The following MXRA5 variants were observed in gnomAD, a reference collection of about 807,000 sequenced individuals.
MXRA5 encodes the protein matrix-remodeling-associated protein 5.
Under a neutral mutation model 112.5 loss-of-function variants are expected in MXRA5, and 41 were observed. That is an observed-to-expected ratio of 0.36 (90% CI 0.28 to 0.47). The LOEUF is 0.47. MXRA5 is among the 20% of genes least tolerant of loss of function. MXRA5 has a pLI of 0.99. For missense variants in MXRA5, 2,150 were observed against 2,251.0 expected (o/e 0.96, Z 0.91); for synonymous variants, 862 against 900.8 (o/e 0.96, Z 0.77).
chrX:3,325,828 A>T (rs772666222), intron 4 of MXRA5, among the ~76,000 whole-genome samples: 2 of 100,359 alleles, frequency 2.0e-5, no homozygotes, highest in African/African-American at 3.6e-5. Flanking sequence ...ATAAATATAT[A>T]ATAATATATT....
intron 2 of MXRA5, among the ~76,000 whole-genome samples, chrX:3,340,905 C>T (rs1358522598): frequency 1.1e-5 from 1 of 94,272 alleles, no homozygotes. Flanking sequence ...TATCCCCCTT[C>T]CCAACACACA....
chrX:3,329,344 A>AAAGGAAAGAAGGAGGG (rs1351587414), intron 4 of MXRA5, among the ~76,000 whole-genome samples: 1 of 77,068 alleles, frequency 1.3e-5, no homozygotes, highest in Non-Finnish European at 2.6e-5. Context: ...GAGAAGGAAG[A>AAAGGAAAGAAGGAGGG]AAGGAAAGAA....
intron 5 of MXRA5, 74 bp downstream of exon 5, chrX:3,319,934 T>C (rs1405200994): frequency 1.3e-6 from 1 of 791,624 alleles, no homozygotes. Flanking sequence ...TATACTGTTT[T>C]AATGTATTAT....
intron 4 of MXRA5, among the ~76,000 whole-genome samples, chrX:3,327,763 T>C (rs753555265): frequency 8.8e-6 from 1 of 113,058 alleles, no homozygotes. Flanking sequence ...AACCTTGCTA[T>C]GCAGCAGTCT....
chrX:3,321,361 T>A lies in MXRA5; in HGVS notation c.4324A>T (p.Thr1442Ser). 8.3e-7 allele frequency: 1 copy of A among 1,211,401 alleles called. No homozygotes were observed. Among genetic ancestry groups the A allele is most frequent in the South Asian group, 1.8e-5 (1 of 56,970 alleles). Reference sequence around the variant, plus strand: ...ACCTCCACTTTTATGCTTGAGAGAGTTGTGGAAGAACCAGCTTCTTCCTGG... The same window carrying A: ...ACCTCCACTTTTATGCTTGAGAGAGATGTGGAAGAACCAGCTTCTTCCTGG... ...FHQEEAGSST[T>S]LSSIKVEVAS... is the part of the protein sequence containing the mutation. Residue 1442 changes from threonine to serine, a missense_variant, in exon 5 of 7, where the codon ACT becomes TCT. Coordinates refer to ENST00000217939, the MANE Select transcript of MXRA5 (RefSeq NM_015419.4).
chrX:3,324,682 C>T lies in MXRA5; in HGVS notation c.1003G>A (p.Asp335Asn), dbSNP rs1240102146. The T allele has an allele frequency of 8.3e-7, 1 of 1,208,675 alleles. No homozygotes were observed. The highest frequency in any genetic ancestry group is 1.8e-5 in the African/African-American group (1 of 57,100). The change falls in exon 5 of 7, where the codon GAC (aspartate) becomes AAC (asparagine). Residue 335 changes from aspartate to asparagine, a missense_variant. This residue lies in a region of MXRA5 where 386 missense variants were observed against 411.0 expected (regional missense o/e 0.94). Transcript: ENST00000217939. ...EHGNMVNLVC[D>N]IKKPMDVYKI... ...TACACATCCATTGGTTTCTTGATGTCACAGACCAAGTTCACCATGTTCCCG... is the reference window on the plus strand; with the variant it reads ...TACACATCCATTGGTTTCTTGATGTTACAGACCAAGTTCACCATGTTCCCG...
chrX:3,332,401 C>A (rs747657218), intron 2 of MXRA5, among the ~76,000 whole-genome samples: 2 of 111,114 alleles, frequency 1.8e-5, no homozygotes, highest in Admixed American at 9.5e-5. Flanking sequence ...CCCGCCACCG[C>A]GCCCGGCTAA....
intron 2 of MXRA5, among the ~76,000 whole-genome samples, 184 bp from the exon 3 acceptor site, chrX:3,330,957 C>A (rs1459411784): frequency 9.0e-6 from 1 of 111,524 alleles, no homozygotes; most frequent in Non-Finnish European, 1.9e-5. Flanking sequence ...GGCTGGAGTG[C>A]AGCGGTGCAA....
Position 3,325,841 on chromosome X carries a change from T to TAAATAAATATA in MXRA5, c.710-867_710-866insTATATTTATTT, listed in dbSNP as rs1389692056. 5.1e-3 allele frequency among the ~76,000 whole-genome samples: 451 copies of TAAATAAATATA among 88,646 alleles called. 5 individuals are homozygous for TAAATAAATATA. The highest frequency in any genetic ancestry group is 0.017 in the African/African-American group (406 of 23,748). 77.0% of individuals were successfully genotyped at this position (88,646 alleles called of 115,157 possible). A position where few individuals can be genotyped will look rare whatever the true frequency, so the allele number is the denominator to read the frequency against. On this transcript the variant is annotated intron_variant, in intron 4 of 6. Transcript: ENST00000217939. The stretch of plus-strand genomic sequence containing the variant: ...AAATAAATATATAATAATATATTTA[T>TAAATAAATATA]TCATAAATAATTTATAATTATAATT...
chrX:3,316,623 C>G (rs1429907263), intron 6 of MXRA5, among the ~76,000 whole-genome samples: 14 of 105,717 alleles, frequency 1.3e-4, no homozygotes, highest in Admixed American at 9.2e-4. Context: ...GAGCTATGAT[C>G]GCACCACTGC....
Position 3,330,816 on chromosome X carries a change from G to A in MXRA5, c.189-43C>T, listed in dbSNP as rs774030717. 3 of 941,918 alleles carry A rather than the reference G, an allele frequency of 3.2e-6. No homozygotes were observed. In the East Asian group the frequency reaches 1.1e-4, roughly 34 times the overall value. The allele number at this position is 941,918 out of a possible 1,213,427, so 77.6% of individuals were successfully genotyped here. A position where few individuals can be genotyped will look rare whatever the true frequency, so the allele number is the denominator to read the frequency against. ...TAATAATAACAATAATAATAATTAA[G>A]AAAATAAATAGCGAATACTTAACTC... On this transcript the variant is annotated intron_variant, in intron 2 of 6. Coordinates refer to ENST00000217939, the MANE Select transcript of MXRA5 (RefSeq NM_015419.4).
At chrX:3,333,302 C>CAAAAAAAAAAAAAAAAAAAAAA (rs386416494) in intron 2 of MXRA5, among the ~76,000 whole-genome samples, 13 of 14,812 alleles carry the variant, frequency 8.8e-4, no homozygotes, top group Non-Finnish European at 1.3e-3. Flanking sequence ...TACCCCATAT[C>CAAAAAAAAAAAAAAAAAAAAAA]AAAAAAAAAA....
At chrX:3,318,103 C>T in intron 5 of MXRA5, 100 bp from the exon 6 acceptor site, 1 of 711,236 alleles carries the variant, frequency 1.4e-6, no homozygotes, top group East Asian at 3.6e-5. Context: ...CTTTAACACC[C>T]AGGCAGCAAA....
chrX:3,321,420 A>G lies in MXRA5; in HGVS notation c.4265T>C (p.Phe1422Ser). 1 of 1,211,465 alleles carries G rather than the reference A, an allele frequency of 8.3e-7. No individual in the cohort carries two copies. Among genetic ancestry groups the G allele is most frequent in the Non-Finnish European group, 1.1e-6 (1 of 895,392 alleles). ...ELEDVDFTSE[F>S]LSSLTVSTPF... ...TGTGGAGACTGTCAAAGAGGACAAA[A>G]ACTCGGAAGTGAAATCCACATCCTC... is the stretch of plus-strand genomic sequence containing the variant. Residue 1422 changes from phenylalanine to serine, a missense_variant, in exon 5 of 7, where the codon TTT (phenylalanine) becomes TCT (serine). Transcript: ENST00000217939.
Position 3,317,641 on chromosome X carries a change from C to G in MXRA5, c.6040G>C (p.Glu2014Gln), listed in dbSNP as rs775206613. 15 of 1,205,902 alleles carry G rather than the reference C, an allele frequency of 1.2e-5. No individual in the cohort carries two copies. The highest frequency in any genetic ancestry group is 1.7e-5 in the African/African-American group (1 of 57,338). The stretch of plus-strand genomic sequence containing the variant: ...ACGCCTCTGTCTGAGAAGGACGCCT[C>G]CTTGATGGAAAGGGTCCGGTTTTCG... ...LHENRTLSIK[E>Q]ASFSDRGVYK... The change falls in exon 6 of 7, where the codon GAG (glutamate) becomes CAG (glutamine). Residue 2014 changes from glutamate (E) to glutamine (Q), a missense_variant. Physicochemically the swap from Glu to Gln is conservative, Grantham distance 29. Transcript: ENST00000217939.
intron 2 of MXRA5, among the ~76,000 whole-genome samples, chrX:3,336,001 G>A (rs765263911): frequency 8.9e-6 from 1 of 112,342 alleles, no homozygotes; most frequent in South Asian, 3.7e-4. Context: ...GGTGAGTGGT[G>A]GGTGAGCCAG....
At chrX:3,335,489 G>A (rs935208510) in intron 2 of MXRA5, among the ~76,000 whole-genome samples, 33 of 112,530 alleles carry the variant, frequency 2.9e-4, no homozygotes, top group African/African-American at 1.0e-3. Context: ...GAGTCACTGC[G>A]CCTGGCCGCC....
intron 2 of MXRA5, among the ~76,000 whole-genome samples, chrX:3,333,498 T>C (rs776145645): frequency 1.8e-5 from 2 of 110,034 alleles, no homozygotes; most frequent in Non-Finnish European, 3.8e-5. Flanking sequence ...GCAAACACAG[T>C]GACAACAACA....
chrX:3,322,722 G>T lies in MXRA5; in HGVS notation c.2963C>A (p.Pro988Gln), dbSNP rs754326169. ...GTCTTCTTTCATCTTATCCTCATCTGGTTGTGACTTAGTCTCCAAATCTGG... is the reference window on the plus strand; with the variant it reads ...GTCTTCTTTCATCTTATCCTCATCTTGTTGTGACTTAGTCTCCAAATCTGG... ...FDPDLETKSQ[P>Q]DEDKMKEDTF... is the part of the protein sequence containing the mutation. Residue 988 changes from proline to glutamine, a missense_variant, in exon 5 of 7, where the codon CCA (proline) becomes CAA (glutamine). Around this residue, in one of 6 missense-constraint regions of MXRA5, gnomAD observed 1,485 missense variants for 1,471.6 expected, o/e 1.01. Transcript: ENST00000217939. 1.7e-6 allele frequency: 2 copies of T among 1,211,623 alleles called. No homozygotes were observed. Among genetic ancestry groups the T allele is most frequent in the Admixed American group, 2.2e-5 (1 of 45,995 alleles).
Sources: allele counts gnomAD v4.1 joint callset (sites outside exome capture counted in the v4.1 genomes callset), GRCh38; gene constraint gnomAD v4.1.1; regional missense constraint gnomAD v4.1.1; transcripts MANE v1.5; gene names NCBI Gene and HGNC (gene_info 2026-07-23, HGNC 2026-07-21).